PLEKHH1: variants seen among roughly 807,000 people sequenced by gnomAD.
PLEKHH1 encodes the protein pleckstrin homology domain-containing family H member 1.
A neutral mutation model predicts 160.0 loss-of-function variants in PLEKHH1; 104 were observed. The observed-to-expected ratio is 0.65, with a 90% CI of 0.55 to 0.76. The LOEUF (loss-of-function observed/expected upper bound fraction) is 0.76, where lower values mean the gene tolerates loss of function less well. Among genes scored for constraint, PLEKHH1 ranks in the 30% least tolerant of loss-of-function variants. The probability of loss-of-function intolerance (pLI) is 0.00; values close to 1 mark genes in which losing one functional copy is unlikely to be tolerated. For missense variants in PLEKHH1, 1,427 were observed against 1,724.1 expected (o/e 0.83, Z 3.05); for synonymous variants, 619 against 678.4 (o/e 0.91, Z 1.36).
chr14:67,577,616 C>G (rs1456965560), intron 18 of PLEKHH1, among the ~76,000 whole-genome samples: 1 of 152,170 alleles, frequency 6.6e-6, no homozygotes, highest in African/African-American at 2.4e-5. Flanking sequence ...ATGCACAAGT[C>G]CTTGGGAAAT....
At chr14:67,579,605 G>C in intron 21 of PLEKHH1, 116 bp from the exon 22 acceptor site, 1 of 1,011,624 alleles carries the variant, frequency 9.9e-7, no homozygotes. Flanking sequence ...AACTTGCTTT[G>C]GCCTTTTGTA....
intron 2 of PLEKHH1, among the ~76,000 whole-genome samples, chr14:67,542,417 A>G (rs1370359801): frequency 1.3e-5 from 2 of 152,234 alleles, no homozygotes; most frequent in African/African-American, 2.4e-5. Context: ...TAACAAGGAC[A>G]CAGGCTTTGG....
chr14:67,542,205 A>C (rs1445579548), intron 2 of PLEKHH1, among the ~76,000 whole-genome samples: 1 of 152,202 alleles, frequency 6.6e-6, no homozygotes, highest in Non-Finnish European at 1.5e-5. Flanking sequence ...ATTAAGGCAC[A>C]CCAAAGACAT....
rs751098329 is a variant in PLEKHH1 at position 67,583,891 on chromosome 14, GGCTACAAGGTCTT to G, written c.3569+11_3569+23del. The stretch of plus-strand genomic sequence containing the variant: ...CCCCGCTGAACAGCTGAGGTAGGTA[GGCTACAAGGTCTT>G]GCAGCAAGTCACTGTGGGGAGGTCT... On this transcript the variant is annotated intron_variant, in intron 25 of 28. Transcript: ENST00000329153. 3.7e-6 allele frequency: 6 copies of G among 1,613,438 alleles called. No homozygotes were observed. The South Asian group carries it at 6.6e-5, about 18-fold the overall frequency.
chr14:67,576,361 C>A lies in PLEKHH1; in HGVS notation c.2353-34C>A. 1 of 1,235,862 alleles carries A rather than the reference C, an allele frequency of 8.1e-7. No individual in the cohort carries two copies. Among genetic ancestry groups the A allele is most frequent in the Non-Finnish European group, 1.2e-6 (1 of 843,210 alleles). The allele number at this position is 1,235,862 out of a possible 1,614,324, so 76.6% of individuals were successfully genotyped here. On this transcript the variant is annotated intron_variant, in intron 16 of 28. Transcript: ENST00000329153. The surrounding 1 kb of genome is among the most constrained non-coding windows in gnomAD (Gnocchi z 4.0). ...GCTCTTGCCTCCACTCTTCCCACCC[C>A]GTCCCCATCCGATGGCTTTCCGCCC...
Position 67,587,257 on chromosome 14 carries a change from C to T in PLEKHH1, c.*22C>T. 1 of 1,613,096 alleles carries T rather than the reference C, an allele frequency of 6.2e-7. No individual in the cohort carries two copies. The highest frequency in any genetic ancestry group is 2.2e-5 in the East Asian group (1 of 44,872). ...GTGAATATTTCTCCTACCCGATTCC[C>T]CAACACCACTAGTGCCTCTGGATTT... On this transcript the variant is annotated 3_prime_UTR_variant, in exon 29 of 29. Coordinates refer to ENST00000329153, the MANE Select transcript of PLEKHH1 (RefSeq NM_020715.3).
intron 1 of PLEKHH1, among the ~76,000 whole-genome samples, chr14:67,535,370 CTTTTTTTTTTTTTTT>C (rs71129833): frequency 1.3e-5 from 1 of 74,192 alleles, no homozygotes; most frequent in African/African-American, 6.1e-5. Context: ...GTGAGCACAT[CTTTTTTTTTTTTTTT>C]TTTTTTTTTT....
At chr14:67,560,058 G>A (rs1291506325) in intron 5 of PLEKHH1, among the ~76,000 whole-genome samples, 1 of 151,950 alleles carries the variant, frequency 6.6e-6, no homozygotes, top group Non-Finnish European at 1.5e-5. Context: ...ACAGAGTCTC[G>A]CTCTCTCGCC....
At chr14:67,567,138 TCGTGTTC>T (rs72052449) in intron 7 of PLEKHH1, among the ~76,000 whole-genome samples, 21,108 of 151,924 alleles carry the variant, frequency 0.14, 1,599 homozygotes, top group East Asian at 0.27. Flanking sequence ...GCATGATCAC[TCGTGTTC>T]CGTGTTCCGG....
In PLEKHH1 at chr14:67,541,924, G is replaced by T; in HGVS notation, c.57G>T (p.Leu19=). 1 of 1,606,288 alleles carries T rather than the reference G, an allele frequency of 6.2e-7. No homozygotes were observed. The highest frequency in any genetic ancestry group is 2.2e-5 in the East Asian group (1 of 44,546). The change falls in exon 2 of 29, where the codon CTG becomes CTT. Residue 19 remains leucine (L), a synonymous_variant. Coordinates refer to ENST00000329153, the MANE Select transcript of PLEKHH1 (RefSeq NM_020715.3). ...PASVDWQKRC[L]TLETQLFRFR... is the part of the protein sequence containing the mutation. The stretch of plus-strand genomic sequence containing the variant: ...GCGTAGACTGGCAGAAACGCTGCCT[G>T]ACCCTGGAAACTCAGCTTTTCCGGT...
At chr14:67,557,618 G>C (rs1170181954) in intron 4 of PLEKHH1, among the ~76,000 whole-genome samples, 200 bp downstream of exon 4, 1 of 152,252 alleles carries the variant, frequency 6.6e-6, no homozygotes, top group African/African-American at 2.4e-5. Context: ...GCAGGGGATA[G>C]AGTAGAAAAA....
chr14:67,557,079 C>T (rs2034624031), intron 3 of PLEKHH1, among the ~76,000 whole-genome samples, 190 bp from the exon 4 acceptor site: 1 of 152,188 alleles, frequency 6.6e-6, no homozygotes, highest in African/African-American at 2.4e-5. Flanking sequence ...AAATGAGTTT[C>T]TTCTTTGTCA....
rs1051821365 is a variant in PLEKHH1 at position 67,579,173 on chromosome 14, A to G, written c.2889A>G (p.Ala963=). 4 of 1,607,616 alleles carry G rather than the reference A, an allele frequency of 2.5e-6. No individual in the cohort carries two copies. The highest frequency in any genetic ancestry group is 3.4e-6 in the Non-Finnish European group (4 of 1,178,174). ...AGTATGCCACCTACTGCCAGCGGGC[A>G]GTGGAGCGGACCCTGCGGACCGGGG... The part of the protein sequence containing the change: ...TGQYATYCQR[A]VERTLRTGER... The change falls in exon 21 of 29, where the codon GCA becomes GCG. Residue 963 remains alanine, a synonymous_variant. Coordinates refer to ENST00000329153, the MANE Select transcript of PLEKHH1 (RefSeq NM_020715.3).
chr14:67,561,952 A>C lies in PLEKHH1; in HGVS notation c.424-2A>C, dbSNP rs746360229. ...TAAATCTTCATTTTTCTTTTTGCTC[A>C]GCTTGAGATGGAGAATCAGCATCTG... On this transcript the variant is annotated splice_acceptor_variant, in intron 5 of 28. Coordinates refer to ENST00000329153, the MANE Select transcript of PLEKHH1 (RefSeq NM_020715.3). LOFTEE classifies it high-confidence loss of function. 1 of 1,611,534 alleles carries C rather than the reference A, an allele frequency of 6.2e-7. No homozygotes were observed.
chr14:67,582,056 C>A lies in PLEKHH1; in HGVS notation c.3285-13C>A. 6.2e-7 allele frequency: 1 copy of A among 1,604,100 alleles called. No individual in the cohort carries two copies. Among genetic ancestry groups the A allele is most frequent in the Non-Finnish European group, 8.5e-7 (1 of 1,175,446 alleles). On this transcript the variant is annotated splice_polypyrimidine_tract_variant and intron_variant, in intron 23 of 28. Transcript: ENST00000329153. This position sits in a 1 kb window ranked among gnomAD's most constrained non-coding sequence, Gnocchi z 5.0. The stretch of plus-strand genomic sequence containing the variant: ...CCCTGCTGAGTCCTGGTTTCTTATT[C>A]TCTTCTTTGTAGGCTGTACTTTCGC...
chr14:67,537,199 G>A (rs1217947800), intron 1 of PLEKHH1, among the ~76,000 whole-genome samples: 1 of 142,482 alleles, frequency 7.0e-6, no homozygotes, highest in Non-Finnish European at 1.5e-5. Context: ...ACAAAAATTA[G>A]CCAGTGTGGT....
intron 2 of PLEKHH1, among the ~76,000 whole-genome samples, chr14:67,550,156 G>T (rs1471830487): frequency 1.4e-5 from 1 of 69,264 alleles, no homozygotes; most frequent in African/African-American, 4.6e-5. Context: ...AAGATCTGTT[G>T]CTAAAAAAAA....
chr14:67,584,215 A>G, intron 26 of PLEKHH1, 91 bp downstream of exon 26: 1 of 1,333,348 alleles, frequency 7.5e-7, no homozygotes, highest in South Asian at 1.3e-5. Flanking sequence ...CCCTACCTCC[A>G]TACCAGTAAC....
intron 7 of PLEKHH1, among the ~76,000 whole-genome samples, chr14:67,564,967 G>A (rs1003836756): frequency 7.9e-5 from 12 of 152,020 alleles, no homozygotes; most frequent in East Asian, 1.9e-4. Flanking sequence ...CTGGGATTAC[G>A]GGTGTGAGCC....
Sources: gnomAD v4.1 joint callset for allele counts (sites outside exome capture counted in the v4.1 genomes callset) on GRCh38, gnomAD v4.1.1 for gene constraint, Gnocchi (gnomAD v3.1) non-coding constraint, MANE v1.5 for transcripts, NCBI Gene and HGNC (gene_info 2026-07-23, HGNC 2026-07-21) for gene names.